TCF7L2: variants seen among roughly 807,000 people sequenced by gnomAD.
The protein encoded by TCF7L2 is transcription factor 7 like 2.
TCF7L2 carries 23 observed loss-of-function variants against 77.9 expected under a neutral mutation model. The ratio of observed to expected loss-of-function variants is 0.30; its 90% CI spans 0.21 to 0.42. The LOEUF (loss-of-function observed/expected upper bound fraction) is 0.42. Among genes scored for constraint, TCF7L2 ranks in the 10% least tolerant of loss-of-function variants. The pLI, the probability that TCF7L2 is intolerant of heterozygous loss-of-function variation, is 1.00. For missense variants in TCF7L2, 654 were observed against 793.1 expected (o/e 0.82, Z 2.11); for synonymous variants, 413 against 340.2 (o/e 1.21, Z -2.36).
intron 6 of TCF7L2, among the ~76,000 whole-genome samples, chr10:113,142,395 C>A (rs1006380726): frequency 6.6e-6 from 1 of 152,172 alleles, no homozygotes; most frequent in Non-Finnish European, 1.5e-5. Flanking sequence ...AGATCTAAAT[C>A]AGGCAGGCAG....
chr10:113,165,406 G>T (rs2073959794), intron 13 of TCF7L2, 149 bp from the exon 15 acceptor site: 6 of 828,084 alleles, frequency 7.2e-6, no homozygotes, highest in Middle Eastern at 3.8e-4. Flanking sequence ...CCCTGGGGGG[G>T]CGCCACTGTA....
intron 5 of TCF7L2, among the ~76,000 whole-genome samples, chr10:113,120,034 C>T (rs1033470893): frequency 6.6e-6 from 1 of 152,180 alleles, no homozygotes; most frequent in Non-Finnish European, 1.5e-5. Flanking sequence ...TGAATATTTT[C>T]TCATTGGTCT....
At chr10:113,143,655 A>T (rs2068775791) in intron 6 of TCF7L2, among the ~76,000 whole-genome samples, 1 of 152,202 alleles carries the variant, frequency 6.6e-6, no homozygotes, top group African/African-American at 2.4e-5. Context: ...CACCAGTCAC[A>T]TGAGGCACAA....
chr10:112,984,931 C>G (rs777156537), intron 4 of TCF7L2, among the ~76,000 whole-genome samples: 1 of 152,150 alleles, frequency 6.6e-6, no homozygotes, highest in Admixed American at 6.5e-5. Context: ...ATGGATAAAA[C>G]GCTTTGGCAC....
chr10:113,040,406 A>G (rs1732225085), intron 5 of TCF7L2, among the ~76,000 whole-genome samples: 1 of 152,218 alleles, frequency 6.6e-6, no homozygotes, highest in African/African-American at 2.4e-5. Context: ...ATAGGACACA[A>G]TCACCATGGT....
At position 113,167,176 on chromosome 10, in the gene TCF7L2, T is replaced by C; in HGVS notation, c.*1204T>C. ...ACATAGGTAGATTTGTATGTAGTTT[T>C]AATGTCACCTATAACAAAATGTGTT... On this transcript the variant is annotated 3_prime_UTR_variant, in exon 14 of 14. Coordinates refer to ENST00000627217, the MANE Select transcript of TCF7L2 (RefSeq NM_001146274.2). The C allele has an allele frequency of 4.4e-6, 1 of 229,064 alleles. No individual in the cohort carries two copies. The highest frequency in any genetic ancestry group is 1.3e-3 in the Middle Eastern group (1 of 748). The allele number at this position is 229,064 out of a possible 1,614,324, so 14.2% of individuals were successfully genotyped here.
At chr10:113,051,191 T>A (rs2054365802) in intron 5 of TCF7L2, among the ~76,000 whole-genome samples, 3 of 143,094 alleles carry the variant, frequency 2.1e-5, no homozygotes, top group African/African-American at 8.0e-5. Flanking sequence ...CCTTCATACA[T>A]GTGCATACAC....
intron 4 of TCF7L2, among the ~76,000 whole-genome samples, chr10:113,012,004 C>CGTT (rs2046549672): frequency 6.6e-6 from 1 of 152,040 alleles, no homozygotes; most frequent in Non-Finnish European, 1.5e-5. Flanking sequence ...TGCTCTTGAG[C>CGTT]GTTACTGCCT....
intron 4 of TCF7L2, among the ~76,000 whole-genome samples, 155 bp from the exon 5 acceptor site, chr10:113,039,870 G>A (rs973683426): frequency 6.6e-6 from 1 of 151,900 alleles, no homozygotes. Flanking sequence ...AGACCCTATT[G>A]GAATTGCATG....
chr10:113,116,340 C>A (rs1184320716), intron 5 of TCF7L2, among the ~76,000 whole-genome samples: 1 of 152,084 alleles, frequency 6.6e-6, no homozygotes, highest in South Asian at 2.1e-4. Flanking sequence ...GGACTTTGTT[C>A]CCTCTGAATT....
chr10:112,951,663 C>G lies in TCF7L2; in HGVS notation c.381+56C>G, dbSNP rs1320671119. The stretch of plus-strand genomic sequence containing the variant: ...CTGCCCGCCCGCCCGCGCCGCCCGC[C>G]GGGCCCCGCATGCGGCCCCTGCCCT... On this transcript the variant is annotated intron_variant, in intron 3 of 13. Coordinates refer to ENST00000627217, the MANE Select transcript of TCF7L2 (RefSeq NM_001146274.2). The G allele has an allele frequency of 1.6e-5, 17 of 1,044,066 alleles. No homozygotes were observed. The South Asian group carries it at 5.8e-4, about 36-fold the overall frequency. The allele number at this position is 1,044,066 out of a possible 1,614,324, so 64.7% of individuals were successfully genotyped here. A position where few individuals can be genotyped will look rare whatever the true frequency, so the allele number is the denominator to read the frequency against.
intron 11 of TCF7L2, among the ~76,000 whole-genome samples, chr10:113,155,207 C>T (rs147599876): frequency 6.6e-6 from 1 of 152,232 alleles, no homozygotes; most frequent in African/African-American, 2.4e-5. Flanking sequence ...GACTTGGTAC[C>T]TTCTTTAGAG....
At chr10:113,134,275 C>T (rs1438822990) in intron 5 of TCF7L2, among the ~76,000 whole-genome samples, 1 of 152,140 alleles carries the variant, frequency 6.6e-6, no homozygotes, top group Non-Finnish European at 1.5e-5. Context: ...CCATTTGGGG[C>T]CACGGGAGGA....
chr10:113,069,573 G>T (rs561176387), intron 5 of TCF7L2, among the ~76,000 whole-genome samples: 1 of 152,078 alleles, frequency 6.6e-6, no homozygotes, highest in Non-Finnish European at 1.5e-5. Flanking sequence ...TGCCTAACCC[G>T]TCCAGGAGGA....
At chr10:113,138,733 G>A (rs1279287628) in intron 5 of TCF7L2, among the ~76,000 whole-genome samples, 1 of 152,166 alleles carries the variant, frequency 6.6e-6, no homozygotes, top group African/African-American at 2.4e-5. Flanking sequence ...CAGAACCCAT[G>A]GCTCTTTGCC....
intron 3 of TCF7L2, among the ~76,000 whole-genome samples, chr10:112,958,479 C>T (rs996323524): frequency 6.6e-6 from 1 of 151,956 alleles, no homozygotes; most frequent in Non-Finnish European, 1.5e-5. Flanking sequence ...CGATAAATCA[C>T]TTGCATATTT....
intron 4 of TCF7L2, among the ~76,000 whole-genome samples, chr10:112,979,519 A>G (rs1201550676): frequency 6.6e-6 from 1 of 152,094 alleles, no homozygotes; most frequent in African/African-American, 2.4e-5. Context: ...CACTTTGGGA[A>G]GCCGAGGCGG....
chr10:113,002,640 G>A (rs1168943278), intron 4 of TCF7L2, among the ~76,000 whole-genome samples: 2 of 152,152 alleles, frequency 1.3e-5, no homozygotes, highest in Non-Finnish European at 2.9e-5. Context: ...CCCAGTCCTG[G>A]TGTTGGTTGA....
At chr10:112,952,224 A>G (rs7094463) in intron 3 of TCF7L2, among the ~76,000 whole-genome samples, 85,458 of 152,008 alleles carry the variant, frequency 0.56, 24,270 homozygotes, top group African/African-American at 0.64. Flanking sequence ...CTTTTGGGCG[A>G]CTATGTATTT....
Sources: gnomAD v4.1 joint callset for allele counts (sites outside exome capture counted in the v4.1 genomes callset) on GRCh38, gnomAD v4.1.1 for gene constraint, MANE v1.5 for transcripts, NCBI Gene and HGNC (gene_info 2026-07-23, HGNC 2026-07-21) for gene names.